TG: variants seen among roughly 807,000 people sequenced by gnomAD.
TG encodes the protein thyroid hormones.
Under a neutral mutation model 324.7 loss-of-function variants are expected in TG, and 270 were observed. The ratio of observed to expected loss-of-function variants is 0.83; its 90% CI spans 0.75 to 0.92. The LOEUF is 0.92. Among genes scored for constraint, TG ranks in the 40% least tolerant of loss-of-function variants. The pLI, the probability that TG is intolerant of heterozygous loss-of-function variation, is 0.00. For synonymous variants in TG, 1,401 were observed against 1,327.0 expected, an observed-to-expected ratio of 1.06 and a Z score of -1.21; for missense variants, 3,591 against 3,456.4, an observed-to-expected ratio of 1.04 and a Z score of -0.98.
At chr8:133,055,814 C>G (rs558279866) in intron 41 of TG, among the ~76,000 whole-genome samples, 4 of 149,094 alleles carry the variant, frequency 2.7e-5, no homozygotes, top group South Asian at 2.1e-4. Flanking sequence ...CTTCCTCCCC[C>G]TCCTCATCAC....
chr8:133,102,655 A>G (rs1490009942), intron 43 of TG: 1 of 1,252,038 alleles, frequency 8.0e-7, no homozygotes, highest in Non-Finnish European at 1.1e-6. Context: ...AGTCGCTGTC[A>G]TGGGGAATTT....
intron 24 of TG, 29 bp from the exon 25 acceptor site, chr8:132,935,727 A>G: frequency 6.4e-7 from 1 of 1,559,602 alleles, no homozygotes; most frequent in Non-Finnish European, 8.8e-7. Flanking sequence ...GTATTGCAGG[A>G]TAATAATGCA....
At chr8:132,969,798 C>T (rs1829220202) in intron 32 of TG, among the ~76,000 whole-genome samples, 1 of 151,440 alleles carries the variant, frequency 6.6e-6, no homozygotes, top group Admixed American at 6.6e-5. Flanking sequence ...CTAGTAGTCC[C>T]AGTTACTCAG....
At chr8:133,060,855 G>C (rs1260364529) in intron 41 of TG, among the ~76,000 whole-genome samples, 2 of 152,172 alleles carry the variant, frequency 1.3e-5, no homozygotes, top group Non-Finnish European at 2.9e-5. Flanking sequence ...TAAGTGACTT[G>C]TATGAGGTCA....
At position 132,886,915 on chromosome 8, in the gene TG, C is replaced by G. The variant is rs180222; in HGVS notation, c.1543C>G (p.Gln515Glu). 29,818 of 1,614,030 alleles carry G rather than the reference C, an allele frequency of 0.018. 378 individuals carry two copies. The highest frequency in any genetic ancestry group is 0.057 in the Middle Eastern group (346 of 6,060). The change falls in exon 9 of 48, where the codon CAA (glutamine) becomes GAA (glutamate). Residue 515 changes from glutamine to glutamate, a missense_variant. Transcript: ENST00000220616. ...TGCAAGCTTCTTGAATGGAGGGAGA[C>G]AAGAAGATTTGGCCAAGCCACTCTC... Reference protein sequence around the residue: ...GLASFLNGGRQEDLAKPLSVG... With the variant: ...GLASFLNGGREEDLAKPLSVG...
At chr8:132,950,776 G>A (rs1019059343) in intron 27 of TG, among the ~76,000 whole-genome samples, 3 of 152,160 alleles carry the variant, frequency 2.0e-5, no homozygotes, top group South Asian at 2.1e-4. Context: ...CCCATCTCAC[G>A]GGGTTGGGAG....
rs1184491025 is a variant in TG, at chr8:132,882,935, G to T, written c.1011G>T (p.Trp337Cys). The part of the protein sequence containing the change: ...AVQCQTEGPC[W>C]CVDAQGKEMH... Reference sequence around the variant, plus strand: ...AGTGCCAGACGGAAGGGCCCTGCTGGTGTGTGGACGCCCAGGGGAAGGAAA... The same window carrying T: ...AGTGCCAGACGGAAGGGCCCTGCTGTTGTGTGGACGCCCAGGGGAAGGAAA... The change falls in exon 8 of 48, where the codon TGG becomes TGT. Residue 337 changes from tryptophan to cysteine, a missense_variant. Transcript: ENST00000220616. The T allele has an allele frequency of 6.2e-7, 1 of 1,614,086 alleles. No homozygotes were observed. Among genetic ancestry groups the T allele is most frequent in the African/African-American group, 1.3e-5 (1 of 74,936 alleles).
At chr8:132,995,458 C>T (rs1258123077) in intron 35 of TG, 19 of 985,206 alleles carry the variant, frequency 1.9e-5, no homozygotes, top group Admixed American at 6.2e-5. Context: ...ACAGTTCACC[C>T]ATACCCTTGT....
chr8:132,974,214 G>A (rs575173014), intron 34 of TG, among the ~76,000 whole-genome samples: 22 of 152,010 alleles, frequency 1.4e-4, no homozygotes, highest in African/African-American at 5.3e-4. Context: ...GGGTGGCCTT[G>A]AACTCCTGAC....
chr8:133,116,833 T>C lies in TG; in HGVS notation c.7862+117T>C, dbSNP rs1013442603. 2.8e-5 allele frequency: 24 copies of C among 848,906 alleles called. No homozygotes were observed. In the East Asian group the frequency reaches 6.3e-4, roughly 22 times the overall value. 52.6% of individuals were successfully genotyped at this position (848,906 alleles called of 1,614,324 possible). Reference sequence around the variant, plus strand: ...AGCCTCAGTTTCCTCATCTGAGAAATAGAAATAATTGTAGTAGCCACTTCA... The same window carrying C: ...AGCCTCAGTTTCCTCATCTGAGAAACAGAAATAATTGTAGTAGCCACTTCA... On this transcript the variant is annotated intron_variant, in intron 45 of 47. Transcript: ENST00000220616.
chr8:132,932,724 A>G (rs1822898933), intron 23 of TG, among the ~76,000 whole-genome samples: 1 of 152,160 alleles, frequency 6.6e-6, no homozygotes, highest in Non-Finnish European at 1.5e-5. Flanking sequence ...CCCTGCCCTC[A>G]TTAAGCGCAT....
intron 18 of TG, among the ~76,000 whole-genome samples, chr8:132,911,056 T>G (rs1819448498): frequency 1.3e-5 from 2 of 152,202 alleles, no homozygotes; most frequent in Non-Finnish European, 2.9e-5. Context: ...GCTGAATATA[T>G]GTATGGTGAA....
At chr8:133,005,690 G>C (rs1157944711) in intron 35 of TG, among the ~76,000 whole-genome samples, 1 of 152,154 alleles carries the variant, frequency 6.6e-6, no homozygotes, top group African/African-American at 2.4e-5. Flanking sequence ...TCCCATTTTT[G>C]ACATACACTC....
intron 11 of TG, among the ~76,000 whole-genome samples, chr8:132,895,618 G>A (rs1222371685): frequency 1.3e-5 from 2 of 152,104 alleles, no homozygotes; most frequent in African/African-American, 2.4e-5. Context: ...TCTCTCTTCC[G>A]TCCACTACCC....
chr8:133,102,571 G>C, intron 43 of TG: 1 of 1,551,470 alleles, frequency 6.4e-7, no homozygotes, highest in Non-Finnish European at 8.7e-7. Flanking sequence ...CATCAGGGCT[G>C]CCTGAGATGT....
At chr8:132,985,215 T>C (rs149806849) in intron 35 of TG, among the ~76,000 whole-genome samples, 2 of 152,336 alleles carry the variant, frequency 1.3e-5, no homozygotes, top group African/African-American at 4.8e-5. Flanking sequence ...CTACATTGAA[T>C]CCATGCAGAC....
At chr8:133,078,183 A>G (rs1845191371) in intron 41 of TG, among the ~76,000 whole-genome samples, 1 of 152,178 alleles carries the variant, frequency 6.6e-6, no homozygotes, top group Non-Finnish European at 1.5e-5. Flanking sequence ...ACGTGACCCA[A>G]GAAGAGGAAC....
chr8:132,968,854 A>G (rs1254196656), intron 31 of TG, among the ~76,000 whole-genome samples: 1 of 152,166 alleles, frequency 6.6e-6, no homozygotes, highest in African/African-American at 2.4e-5. Context: ...GGACACCTCA[A>G]TATTCATTAT....
intron 35 of TG, among the ~76,000 whole-genome samples, chr8:132,993,047 T>A (rs550733736): frequency 1.3e-5 from 2 of 152,346 alleles, no homozygotes; most frequent in Admixed American, 1.3e-4. Context: ...TGCTTGCTTG[T>A]TAGATTTTGG....
Sources: gnomAD v4.1 joint callset for allele counts (sites outside exome capture counted in the v4.1 genomes callset) on GRCh38, gnomAD v4.1.1 for gene constraint, MANE v1.5 for transcripts, NCBI Gene and HGNC (gene_info 2026-07-23, HGNC 2026-07-21) for gene names.